The following FGF7 variants were observed in gnomAD, a reference collection of about 807,000 sequenced individuals.
The protein encoded by FGF7 is FGF-7.
A neutral mutation model predicts 20.5 loss-of-function variants in FGF7; 6 were observed. The observed-to-expected ratio is 0.29, with a 90% CI of 0.16 to 0.58. FGF7 has a LOEUF of 0.58. FGF7 is among the 20% of genes least tolerant of loss of function. The pLI is 0.90. For missense variants in FGF7, 144 were observed against 228.8 expected (o/e 0.63, Z 2.39); for synonymous variants, 64 against 74.7 (o/e 0.86, Z 0.74).
At chr15:49,443,218 T>C (rs1215087526) in intron 2 of FGF7, among the ~76,000 whole-genome samples, 1 of 151,662 alleles carries the variant, frequency 6.6e-6, no homozygotes, top group South Asian at 2.1e-4. Context: ...AAACTTAGAA[T>C]GAAATAAATT....
intron 2 of FGF7, among the ~76,000 whole-genome samples, chr15:49,436,634 G>T (rs78323502): frequency 0.15 from 22,921 of 151,258 alleles, 2,246 homozygotes; most frequent in Non-Finnish European, 0.21. Flanking sequence ...TTATTAGGTG[G>T]GCAGACTTAT....
chr15:49,442,267 T>C (rs540232293), intron 2 of FGF7, among the ~76,000 whole-genome samples: 1 of 151,830 alleles, frequency 6.6e-6, no homozygotes, highest in Non-Finnish European at 1.5e-5. Flanking sequence ...TTTTTCACTC[T>C]GCATGACAAT....
chr15:49,426,546 T>C (rs996380923), intron 2 of FGF7, among the ~76,000 whole-genome samples: 2 of 151,934 alleles, frequency 1.3e-5, no homozygotes, highest in African/African-American at 2.4e-5. Context: ...CATTTGCATA[T>C]GTAAATTTTA....
At chr15:49,454,909 A>C (rs1392779476) in intron 2 of FGF7, among the ~76,000 whole-genome samples, 1 of 152,070 alleles carries the variant, frequency 6.6e-6, no homozygotes. Flanking sequence ...GGACCCAGCC[A>C]TAATATATTC....
At position 49,484,771 on chromosome 15, in the gene FGF7, T is replaced by C; in HGVS notation, c.*267T>C. The stretch of plus-strand genomic sequence containing the variant: ...TAAAACTGGTTGTACAATCATGATG[T>C]TAGTAACAGTAATTTTTTTCTTAAA... On this transcript the variant is annotated 3_prime_UTR_variant, in exon 4 of 4. Transcript: ENST00000267843. The C allele has an allele frequency of 3.5e-6, 1 of 288,162 alleles. No homozygotes were observed. Among genetic ancestry groups the C allele is most frequent in the Non-Finnish European group, 6.4e-6 (1 of 157,196 alleles). The allele number at this position is 288,162 out of a possible 1,614,324, so 17.9% of individuals were successfully genotyped here.
rs1404082287 is a variant in FGF7 at position 49,488,526 on chromosome 15, T to G, written c.*4022T>G. 6.6e-6 allele frequency: 1 copy of G among 151,988 alleles called. No individual in the cohort carries two copies. The highest frequency in any genetic ancestry group is 2.4e-5 in the African/African-American group (1 of 41,422). 9.4% of individuals were successfully genotyped at this position (151,988 alleles called of 1,614,324 possible). A position where few individuals can be genotyped will look rare whatever the true frequency, so the allele number is the denominator to read the frequency against. On this transcript the variant is annotated 3_prime_UTR_variant, in exon 4 of 4. Transcript: ENST00000267843. ...TTCTCAAGGAACCAGATATTTACTC[T>G]CATCTGGGAAGATGCCTCTTATGTT...
At chr15:49,480,684 T>C (rs2055863776) in intron 2 of FGF7, among the ~76,000 whole-genome samples, 1 of 152,086 alleles carries the variant, frequency 6.6e-6, no homozygotes, top group South Asian at 2.1e-4. Context: ...GGTTTCGCCA[T>C]GTTGGCCAGG....
intron 2 of FGF7, among the ~76,000 whole-genome samples, chr15:49,460,526 T>C (rs1417866546): frequency 5.3e-5 from 8 of 152,338 alleles, no homozygotes; most frequent in Middle Eastern, 3.4e-3. Context: ...TTACTACTTA[T>C]ATTTTGACAT....
chr15:49,442,516 T>C (rs112601259), intron 2 of FGF7, among the ~76,000 whole-genome samples: 3,541 of 151,852 alleles, frequency 0.023, 88 homozygotes, highest in South Asian at 0.13. Flanking sequence ...GGAAGTATTA[T>C]AGGTCTTTCC....
chr15:49,434,070 G>A (rs1274020759), intron 2 of FGF7, among the ~76,000 whole-genome samples: 1 of 151,490 alleles, frequency 6.6e-6, no homozygotes, highest in Non-Finnish European at 1.5e-5. Context: ...AAGAAAGTTG[G>A]TGAATCCACT....
chr15:49,466,536 G>A (rs570209992), intron 2 of FGF7, among the ~76,000 whole-genome samples: 1 of 152,124 alleles, frequency 6.6e-6, no homozygotes, highest in African/African-American at 2.4e-5. Flanking sequence ...TTTTAATAGA[G>A]TATACCACTG....
chr15:49,466,023 T>C (rs1239358319), intron 2 of FGF7, among the ~76,000 whole-genome samples: 3 of 152,150 alleles, frequency 2.0e-5, no homozygotes, highest in African/African-American at 7.2e-5. Context: ...GCAAAATTTA[T>C]AAATAACAAG....
intron 2 of FGF7, among the ~76,000 whole-genome samples, chr15:49,478,282 C>T (rs1400510612): frequency 1.3e-5 from 2 of 151,940 alleles, no homozygotes; most frequent in South Asian, 2.1e-4. Context: ...TGCTTATTTG[C>T]CCTTTGTGTA....
intron 2 of FGF7, among the ~76,000 whole-genome samples, chr15:49,477,892 ATTG>A (rs1256751016): frequency 4.6e-5 from 7 of 152,208 alleles, no homozygotes; most frequent in Middle Eastern, 3.4e-3. Context: ...GAGGTATCTC[ATTG>A]TTGTTTTAAT....
At chr15:49,423,754 C>A (rs565976080) in intron 1 of FGF7, among the ~76,000 whole-genome samples, 1 of 152,194 alleles carries the variant, frequency 6.6e-6, no homozygotes, top group African/African-American at 2.4e-5. Context: ...TAATTTAAAT[C>A]AATAGTTCTG....
chr15:49,436,246 A>T (rs966311363), intron 2 of FGF7, among the ~76,000 whole-genome samples: 2 of 151,606 alleles, frequency 1.3e-5, no homozygotes, highest in African/African-American at 4.8e-5. Context: ...ACCTTTGCAT[A>T]CAATGTTGAT....
intron 3 of FGF7, among the ~76,000 whole-genome samples, 173 bp from the exon 4 acceptor site, chr15:49,484,137 C>T (rs1040171706): frequency 7.9e-5 from 12 of 151,938 alleles, no homozygotes; most frequent in Non-Finnish European, 1.8e-4. Context: ...CCTTTTTATG[C>T]AAATATACTA....
rs2056121352 is a variant in FGF7, at chr15:49,483,314, A to G, written c.390+60A>G. 38 of 829,198 alleles carry G rather than the reference A, an allele frequency of 4.6e-5. 1 individual carries two copies. The South Asian group carries it at 5.4e-4, about 12-fold the overall frequency. 51.4% of individuals were successfully genotyped at this position (829,198 alleles called of 1,614,324 possible). A position where few individuals can be genotyped will look rare whatever the true frequency, so the allele number is the denominator to read the frequency against. ...AAACTCATTTTTGTCAAAATATCTC[A>G]CCTTTCTGAAAAGTAAAAATGGAAT... On this transcript the variant is annotated intron_variant, in intron 3 of 3. Coordinates refer to ENST00000267843, the MANE Select transcript of FGF7 (RefSeq NM_002009.4).
intron 2 of FGF7, among the ~76,000 whole-genome samples, chr15:49,427,152 G>A (rs2050200948): frequency 6.6e-6 from 1 of 151,966 alleles, no homozygotes; most frequent in Non-Finnish European, 1.5e-5. Context: ...AAGAGTGAAT[G>A]TCCAATTGTG....
Sources: gnomAD v4.1 joint callset for allele counts (sites outside exome capture counted in the v4.1 genomes callset) on GRCh38, gnomAD v4.1.1 for gene constraint, MANE v1.5 for transcripts, NCBI Gene and HGNC (gene_info 2026-07-23, HGNC 2026-07-21) for gene names.